FLII: variants seen among roughly 807,000 people sequenced by gnomAD.
FLII encodes FLII actin remodeling protein.
Under a neutral mutation model 156.2 loss-of-function variants are expected in FLII, and 101 were observed. The observed-to-expected ratio is 0.65, with a 90% CI of 0.55 to 0.76. The LOEUF is 0.76. Among genes scored for constraint, FLII ranks in the 30% least tolerant of loss-of-function variants. FLII has a pLI of 0.00. For synonymous variants in FLII, 767 were observed against 685.8 expected, an observed-to-expected ratio of 1.12 and a Z score of -1.85; for missense variants, 1,675 against 1,682.8, an observed-to-expected ratio of 1.00 and a Z score of 0.08.
rs1162098031 is a variant in FLII, at chr17:18,245,643, C to G, written c.3521G>C (p.Gly1174Ala). ...GCATTTCTCAGTCACTGCAAAGTAG[C>G]CCTTCTCGTTGGAGCACCTGGGAAT... is the stretch of plus-strand genomic sequence containing the variant. ...TRLFRCSNEKGYFAVTEKCSD... is the reference protein window; with the variant it reads ...TRLFRCSNEKAYFAVTEKCSD... The change falls in exon 28 of 30, where the codon GGC becomes GCC. Residue 1174 changes from glycine (G) to alanine (A), a missense_variant. Gly to Ala is a moderately conservative substitution (Grantham distance 60, BLOSUM62 0). Around this residue, in one of 2 missense-constraint regions of FLII, gnomAD observed 1,332 missense variants for 1,269.3 expected, o/e 1.05. Transcript: ENST00000327031. 1 of 1,613,740 alleles carries G rather than the reference C, an allele frequency of 6.2e-7. No individual in the cohort carries two copies. Among genetic ancestry groups the G allele is most frequent in the Non-Finnish European group, 8.5e-7 (1 of 1,179,994 alleles).
rs759753880 is a variant in FLII, at chr17:18,250,948, C to T, written c.1666G>A (p.Asp556Asn). The T allele has an allele frequency of 4.3e-6, 7 of 1,613,826 alleles. No individual in the cohort carries two copies. The highest frequency in any genetic ancestry group is 3.3e-5 in the South Asian group (3 of 91,078). ...TGGATGGCAGAGCAAGCTTTCTTGTCGAGTGTGGCCTCCCCGCCAATCCAG... is the reference window on the plus strand; with the variant it reads ...TGGATGGCAGAGCAAGCTTTCTTGTTGAGTGTGGCCTCCCCGCCAATCCAG... ...YYWIGGEATL[D>N]KKACSAIHAV... The change falls in exon 14 of 30, where the codon GAC becomes AAC. Residue 556 changes from aspartate to asparagine, a missense_variant. Asp to Asn is a conservative substitution (Grantham distance 23). Transcript: ENST00000327031.
rs2048052710 is a variant in FLII at position 18,246,347 on chromosome 17, A to G, written c.3167T>C (p.Leu1056Pro). 1 of 1,613,726 alleles carries G rather than the reference A, an allele frequency of 6.2e-7. No individual in the cohort carries two copies. The highest frequency in any genetic ancestry group is 8.5e-7 in the Non-Finnish European group (1 of 1,180,002). ...GCTGCCGTTGGTGCGGATCTGGTAG[A>G]GGCTGGGCTGTTGGGCGCCCTGGAC... is the stretch of plus-strand genomic sequence containing the variant. ...KAVQGAQQPS[L>P]YQIRTNGSAL... Residue 1056 changes from leucine (L) to proline (P), a missense_variant, in exon 24 of 30, where the codon CTC (leucine) becomes CCC (proline). Around this residue, in one of 2 missense-constraint regions of FLII, gnomAD observed 1,332 missense variants for 1,269.3 expected, o/e 1.05. Coordinates refer to ENST00000327031, the MANE Select transcript of FLII (RefSeq NM_002018.4).
intron 6 of FLII, 97 bp from the exon 7 acceptor site, chr17:18,254,279 G>C: frequency 9.8e-7 from 1 of 1,021,178 alleles, no homozygotes; most frequent in Non-Finnish European, 1.4e-6. Flanking sequence ...GGGCCCAGAG[G>C]GTAGGTGTGA....
intron 17 of FLII, 21 bp downstream of exon 17, chr17:18,248,779 G>C: frequency 6.2e-7 from 1 of 1,613,932 alleles, no homozygotes; most frequent in Non-Finnish European, 8.5e-7. Flanking sequence ...TCACACAAAA[G>C]ACCCCACGGT....
At chr17:18,245,717 A>AGG (rs1332938474) in intron 27 of FLII, 27 bp downstream of exon 27, 18 of 1,611,168 alleles carry the variant, frequency 1.1e-5, no homozygotes, top group Non-Finnish European at 1.5e-5. Flanking sequence ...GCCAGGACTG[A>AGG]GGGGAGGGTC....
intron 18 of FLII, 124 bp downstream of exon 18, chr17:18,248,426 G>A: frequency 1.2e-6 from 1 of 842,832 alleles, no homozygotes; most frequent in African/African-American, 1.7e-5. Context: ...TGTCCAGAAG[G>A]TGGCACCCTC....
chr17:18,254,372 T>C (rs1440054032), intron 6 of FLII, 149 bp downstream of exon 6: 2 of 845,238 alleles, frequency 2.4e-6, no homozygotes, highest in Non-Finnish European at 1.8e-6. Context: ...GTGGACATGA[T>C]ACTTAGGAGG....
chr17:18,257,603 C>T (rs2048462635), intron 1 of FLII, among the ~76,000 whole-genome samples: 1 of 152,238 alleles, frequency 6.6e-6, no homozygotes, highest in Non-Finnish European at 1.5e-5. Flanking sequence ...TCAGTGCCTG[C>T]GGCTGATATT....
chr17:18,251,779 C>A lies in FLII; in HGVS notation c.1284G>T (p.Met428Ile), dbSNP rs932596741. Reference sequence around the variant, plus strand: ...CTGAATCCTTGCGCCTCCGCAGTCGCATCTTGCGAGCCATAGGGTCCTTGG... The same window carrying A: ...CTGAATCCTTGCGCCTCCGCAGTCGAATCTTGCGAGCCATAGGGTCCTTGG... The part of the protein sequence containing the change: ...SGPKDPMARK[M>I]RLRRRKDSAQ... The change falls in exon 12 of 30, where the codon ATG becomes ATT. Residue 428 changes from methionine (M) to isoleucine (I), a missense_variant. This residue lies in a region of FLII where 1,332 missense variants were observed against 1,269.3 expected (regional missense o/e 1.05). Transcript: ENST00000327031. 68 of 1,613,720 alleles carry A rather than the reference C, an allele frequency of 4.2e-5. No homozygotes were observed. In the Admixed American group the frequency reaches 1.1e-3, roughly 26 times the overall value.
In FLII at chr17:18,246,426, A is replaced by T; in HGVS notation, c.3088T>A (p.Phe1030Ile). Residue 1030 changes from phenylalanine (F) to isoleucine (I), a missense_variant, in exon 24 of 30, where the codon TTC becomes ATC. Physicochemically the swap from Phe to Ile is conservative, Grantham distance 21. Around this residue, in one of 2 missense-constraint regions of FLII, gnomAD observed 1,332 missense variants for 1,269.3 expected, o/e 1.05. Coordinates refer to ENST00000327031, the MANE Select transcript of FLII (RefSeq NM_002018.4). ...AACTTCCTCTTGAAATGGGACAGGAACTTGGGGTTCTCCTGCTGCTGCGTC... is the reference window on the plus strand; with the variant it reads ...AACTTCCTCTTGAAATGGGACAGGATCTTGGGGTTCTCCTGCTGCTGCGTC... ...RMTQQQENPK[F>I]LSHFKRKFII... is the part of the protein sequence containing the mutation. The T allele has an allele frequency of 6.2e-7, 1 of 1,613,942 alleles. No individual in the cohort carries two copies. The highest frequency in any genetic ancestry group is 8.5e-7 in the Non-Finnish European group (1 of 1,179,954).
chr17:18,257,703 G>A (rs1174849348), intron 1 of FLII, among the ~76,000 whole-genome samples: 1 of 152,230 alleles, frequency 6.6e-6, no homozygotes, highest in African/African-American at 2.4e-5. Context: ...AGGGTGGTGG[G>A]GATGGGGTCA....
chr17:18,251,057 G>A, intron 13 of FLII, 40 bp from the exon 14 acceptor site: 1 of 1,587,608 alleles, frequency 6.3e-7, no homozygotes, highest in Non-Finnish European at 8.6e-7. Flanking sequence ...TTTCATCCTG[G>A]TCTTCCGGCC....
At chr17:18,256,269 T>C (rs2048414434) in intron 3 of FLII, among the ~76,000 whole-genome samples, 1 of 152,256 alleles carries the variant, frequency 6.6e-6, no homozygotes, top group Non-Finnish European at 1.5e-5. Context: ...ACTGTAGTTA[T>C]TGTCCATAAC....
At chr17:18,251,137 G>T in intron 13 of FLII, 120 bp from the exon 14 acceptor site, 1 of 1,407,346 alleles carries the variant, frequency 7.1e-7, no homozygotes, top group Non-Finnish European at 9.6e-7. Context: ...CCCTGTGCCT[G>T]GACCACCTCC....
intron 8 of FLII, 24 bp from the exon 9 acceptor site, chr17:18,253,482 G>A (rs1331992626): frequency 6.2e-7 from 1 of 1,613,634 alleles, no homozygotes; most frequent in Admixed American, 1.7e-5. Flanking sequence ...GGGCAGGGGT[G>A]GGAGGTCAGG....
chr17:18,247,936 A>G lies in FLII; in HGVS notation c.2288T>C (p.Met763Thr), dbSNP rs2048140814. 1 of 1,613,952 alleles carries G rather than the reference A, an allele frequency of 6.2e-7. No individual in the cohort carries two copies. The highest frequency in any genetic ancestry group is 8.5e-7 in the Non-Finnish European group (1 of 1,179,928). Residue 763 changes from methionine to threonine, a missense_variant, in exon 19 of 30, where the codon ATG becomes ACG. Around this residue, in one of 2 missense-constraint regions of FLII, gnomAD observed 1,332 missense variants for 1,269.3 expected, o/e 1.05. Coordinates refer to ENST00000327031, the MANE Select transcript of FLII (RefSeq NM_002018.4). ...TCCTCCTGCATCTCTTACCAGCCGC[A>G]TTCTTGGCATCAGCTCCACCTTGGG... ...QRPKVELMPR[M>T]RLLQSLLDTR...
chr17:18,253,588 C>T lies in FLII; in HGVS notation c.811G>A (p.Val271Met), dbSNP rs991014765. Residue 271 changes from valine (V) to methionine (M), a missense_variant, in exon 8 of 30, where the codon GTG becomes ATG. Physicochemically the swap from Val to Met is conservative, Grantham distance 21. Coordinates refer to ENST00000327031, the MANE Select transcript of FLII (RefSeq NM_002018.4). ...LSLCIDQWVH[V>M]ETLNLSRNQL... Reference sequence around the variant, plus strand: ...TTTCGGGACAGGTTCAGAGTTTCCACGTGCACCCACTGGTCTATGCACAGG... The same window carrying T: ...TTTCGGGACAGGTTCAGAGTTTCCATGTGCACCCACTGGTCTATGCACAGG... The T allele has an allele frequency of 4.3e-6, 7 of 1,613,672 alleles. No homozygotes were observed. The highest frequency in any genetic ancestry group is 2.7e-5 in the African/African-American group (2 of 74,936).
chr17:18,248,465 A>G (rs1237274770), intron 18 of FLII, 85 bp downstream of exon 18: 6 of 1,359,436 alleles, frequency 4.4e-6, no homozygotes, highest in Non-Finnish European at 5.0e-6. Context: ...TGGAGCCCAA[A>G]GCCAACTACA....
rs775569864 is a variant in FLII at position 18,246,944 on chromosome 17, A to G, written c.2785T>C (p.Tyr929His). 11 of 1,614,038 alleles carry G rather than the reference A, an allele frequency of 6.8e-6. No homozygotes were observed. Among genetic ancestry groups the G allele is most frequent in the Non-Finnish European group, 9.3e-6 (11 of 1,180,030 alleles). ...AGGAAGACGTAGCAGTCCTGCGTGT[A>G]GAAGTGGCCAAACTCCTCTTCCGGC... ...RLPEEEFGHF[Y>H]TQDCYVFLCR... Residue 929 changes from tyrosine to histidine, a missense_variant, in exon 22 of 30, where the codon TAC (tyrosine) becomes CAC (histidine). Transcript: ENST00000327031.
Sources: gnomAD v4.1 joint callset for allele counts (sites outside exome capture counted in the v4.1 genomes callset) on GRCh38, gnomAD v4.1.1 for gene constraint, gnomAD v4.1.1 regional missense constraint, MANE v1.5 for transcripts, NCBI Gene and HGNC (gene_info 2026-07-23, HGNC 2026-07-21) for gene names.